The following KCTD2 variants were observed in gnomAD, a reference collection of about 807,000 sequenced individuals.
KCTD2 encodes potassium channel tetramerization domain containing 2.
KCTD2 carries 18 observed loss-of-function variants against 27.9 expected under a neutral mutation model. The ratio of observed to expected loss-of-function variants is 0.64; its 90% CI spans 0.45 to 0.96. The LOEUF (loss-of-function observed/expected upper bound fraction) is 0.96, where lower values mean the gene tolerates loss of function less well. Ranked by LOEUF, KCTD2 falls within the 40% of genes least tolerant of loss-of-function variation. The pLI is 0.00. For synonymous variants in KCTD2, 175 were observed against 148.4 expected (o/e 1.18, Z -1.30); for missense variants, 280 against 348.0 (o/e 0.80, Z 1.56).
At chr17:75,035,848 CA>C (rs1226279464) in intron 3 of KCTD2, among the ~76,000 whole-genome samples, 7 of 151,886 alleles carry the variant, frequency 4.6e-5, no homozygotes, top group Admixed American at 4.6e-4. Context: ...AACAAACAAA[CA>C]AACAAACAAA....
intron 2 of KCTD2, among the ~76,000 whole-genome samples, chr17:75,052,006 A>G (rs2073293327): frequency 6.6e-6 from 1 of 152,148 alleles, no homozygotes. Flanking sequence ...AAATTTGTAC[A>G]CACACCTCCA....
chr17:75,040,016 T>C (rs773239074), intron 3 of KCTD2: 2 of 1,493,868 alleles, frequency 1.3e-6, no homozygotes, highest in Non-Finnish European at 1.9e-6. Context: ...TAATTCACTC[T>C]AACTTAACTT....
intron 5 of KCTD2, 96 bp from the exon 6 acceptor site, chr17:75,062,922 C>A: frequency 1.5e-6 from 2 of 1,313,810 alleles, no homozygotes; most frequent in African/African-American, 1.4e-5. Flanking sequence ...GATGACAGGA[C>A]CATCATGCCA....
chr17:75,048,983 ACTGT>A (rs2073258333), intron 1 of KCTD2: 1 of 364,354 alleles, frequency 2.7e-6, no homozygotes, highest in East Asian at 4.1e-5. Flanking sequence ...AATGAGTATG[ACTGT>A]CTGTAACACC....
rs1450680268 is a variant in KCTD2 at position 75,038,746 on chromosome 17, C to G, written c.-259+3389C>G. 7 of 633,906 alleles carry G rather than the reference C, an allele frequency of 1.1e-5. No homozygotes were observed. In the East Asian group the frequency reaches 2.1e-4, roughly 19 times the overall value. The allele number at this position is 633,906 out of a possible 1,614,324, so 39.3% of individuals were successfully genotyped here. A position where few individuals can be genotyped will look rare whatever the true frequency, so the allele number is the denominator to read the frequency against. On this transcript the variant is annotated intron_variant, in intron 3 of 7. Transcript: ENST00000581589. ...CCTACACAGCCCGTCAGACAACCAGCCCAACAAACCTGTCGAGGCTCACCT... is the reference window on the plus strand; with the variant it reads ...CCTACACAGCCCGTCAGACAACCAGGCCAACAAACCTGTCGAGGCTCACCT...
At chr17:75,045,938 T>C (rs1403687568), upstream of KCTD2, among the ~76,000 whole-genome samples, 1 of 152,180 alleles carries the variant, frequency 6.6e-6, no homozygotes, top group Non-Finnish European at 1.5e-5. Context: ...GCATAAGAAA[T>C]TACAAAAGTA....
chr17:75,057,337 A>G (rs1194668356), intron 3 of KCTD2, among the ~76,000 whole-genome samples: 1 of 152,110 alleles, frequency 6.6e-6, no homozygotes, highest in Non-Finnish European at 1.5e-5. Context: ...GGAAGGGAGA[A>G]AAAAGAGGCA....
chr17:75,053,051 C>T lies in KCTD2; in HGVS notation c.486C>T (p.Ser162=). The change falls in exon 3 of 6, where the codon TCC becomes TCT. Residue 162 remains serine (S), a synonymous_variant. Coordinates refer to ENST00000322444, the MANE Select transcript of KCTD2 (RefSeq NM_015353.3). The stretch of plus-strand genomic sequence containing the variant: ...AAGCGGAGTTTTACAACATCGCGTC[C>T]CTTGTGCGGCTGGTTAAGGAAAGGA... ...LEEAEFYNIA[S]LVRLVKERIR... 1.2e-6 allele frequency: 2 copies of T among 1,614,092 alleles called. No individual in the cohort carries two copies. The highest frequency in any genetic ancestry group is 1.7e-6 in the Non-Finnish European group (2 of 1,180,012).
At chr17:75,033,966 C>T (rs1483111270) in intron 1 of KCTD2, 2 of 152,236 alleles carry the variant, frequency 1.3e-5, no homozygotes, top group Non-Finnish European at 2.9e-5. Flanking sequence ...GGGTTCGAGT[C>T]CCACCTGGGG....
rs773183990 is a variant in KCTD2, at chr17:75,053,011, C to T, written c.449-3C>T. The T allele has an allele frequency of 1.9e-6, 3 of 1,613,666 alleles. No homozygotes were observed. The highest frequency in any genetic ancestry group is 2.2e-5 in the South Asian group (2 of 91,074). ...TCTGACTGCAGTTTTGTCCTTGTTC[C>T]AGGTGTGCTGGAGGAAGCGGAGTTT... On this transcript the variant is annotated splice_polypyrimidine_tract_variant and splice_region_variant and intron_variant, in intron 2 of 5. Coordinates refer to ENST00000322444, the MANE Select transcript of KCTD2 (RefSeq NM_015353.3).
chr17:75,042,742 G>T, upstream of KCTD2: 2 of 1,336,104 alleles, frequency 1.5e-6, no homozygotes, highest in Non-Finnish European at 1.0e-6. Flanking sequence ...CAAAATAAGA[G>T]CTCTTAGAGA....
chr17:75,047,173 G>GCCGGCCCGGCTCTCCCTGC, upstream of KCTD2: 1 of 415,212 alleles, frequency 2.4e-6, no homozygotes, highest in Non-Finnish European at 3.7e-6. Context: ...CCGCCGATGG[G>GCCGGCCCGGCTCTCCCTGC]CCGGCCCGGC....
chr17:75,038,861 A>C, intron 3 of KCTD2: 1 of 1,507,302 alleles, frequency 6.6e-7, no homozygotes, highest in Non-Finnish European at 9.0e-7. Flanking sequence ...CACACCCAGA[A>C]CTGTATAATT....
chr17:75,034,002 A>T lies in KCTD2; in HGVS notation c.-469-31A>T, dbSNP rs186775440. The T allele has an allele frequency of 2.3e-3, 352 of 152,260 alleles. 1 individual carries two copies. Among genetic ancestry groups the T allele is most frequent in the South Asian group, 5.8e-3 (28 of 4,816 alleles). 9.4% of individuals were successfully genotyped at this position (152,260 alleles called of 1,614,324 possible). ...TAGAGGTGAAAGTTCCTTTTACGGA[A>T]TTTTTTATTTCTTTTCTCTTCCCTT... is the stretch of plus-strand genomic sequence containing the variant. On this transcript the variant is annotated intron_variant, in intron 1 of 7. Transcript: ENST00000581589.
At chr17:75,046,642 T>C (rs1567989387), upstream of KCTD2, among the ~76,000 whole-genome samples, 1 of 152,252 alleles carries the variant, frequency 6.6e-6, no homozygotes, top group Non-Finnish European at 1.5e-5. Flanking sequence ...TATTGAAGTC[T>C]GCCGCGCTGG....
chr17:75,033,951 A>C (rs1433518213), intron 1 of KCTD2: 1 of 152,252 alleles, frequency 6.6e-6, no homozygotes, highest in African/African-American at 2.4e-5. Context: ...TAAGCCAGGG[A>C]TTGTGGGTTC....
chr17:75,034,575 G>A (rs756031659), intron 2 of KCTD2, among the ~76,000 whole-genome samples: 3 of 152,168 alleles, frequency 2.0e-5, no homozygotes, highest in African/African-American at 4.8e-5. Context: ...GCCCTGCTGT[G>A]GGTCACCGCG....
At chr17:75,034,562 A>T (rs2040096800) in intron 2 of KCTD2, among the ~76,000 whole-genome samples, 1 of 152,096 alleles carries the variant, frequency 6.6e-6, no homozygotes, top group Non-Finnish European at 1.5e-5. Context: ...GTGCCCAAAC[A>T]CGGCCCTGCT....
chr17:75,059,340 A>G, intron 3 of KCTD2, 170 bp from the exon 4 acceptor site: 1 of 417,668 alleles, frequency 2.4e-6, no homozygotes, highest in Non-Finnish European at 4.2e-6. Flanking sequence ...GAGAAGGGAA[A>G]AAAAGAAACG....
Sources: allele counts gnomAD v4.1 joint callset (sites outside exome capture counted in the v4.1 genomes callset), GRCh38; gene constraint gnomAD v4.1.1; transcripts MANE v1.5; gene names NCBI Gene and HGNC (gene_info 2026-07-23, HGNC 2026-07-21).